The following SHC3 variants were observed in gnomAD, a reference collection of about 807,000 sequenced individuals.
SHC3 encodes SHC adaptor protein 3.
Under a neutral mutation model 60.4 loss-of-function variants are expected in SHC3, and 15 were observed. The ratio of observed to expected loss-of-function variants is 0.25; its 90% CI spans 0.17 to 0.38. The LOEUF (loss-of-function observed/expected upper bound fraction) is 0.38, where lower values mean the gene tolerates loss of function less well. Among genes scored for constraint, SHC3 ranks in the 10% least tolerant of loss-of-function variants. The pLI is 1.00. For synonymous variants in SHC3, 294 were observed against 325.9 expected, an observed-to-expected ratio of 0.90 and a Z score of 1.05; for missense variants, 677 against 786.1, an observed-to-expected ratio of 0.86 and a Z score of 1.66.
chr9:89,151,695 T>C (rs1054933713), intron 1 of SHC3, among the ~76,000 whole-genome samples: 15 of 152,356 alleles, frequency 9.8e-5, no homozygotes, highest in African/African-American at 3.6e-4. Context: ...TAGAATATTA[T>C]GCAGCTATTA....
At chr9:89,094,189 A>G (rs1169372366) in intron 2 of SHC3, among the ~76,000 whole-genome samples, 1 of 152,208 alleles carries the variant, frequency 6.6e-6, no homozygotes, top group Non-Finnish European at 1.5e-5. Flanking sequence ...AATGAAAACA[A>G]AAACACGAGG....
At position 89,175,058 on chromosome 9, in the gene SHC3, G is replaced by A. The variant is rs367991686; in HGVS notation, c.474+2929C>T. On this transcript the variant is annotated intron_variant, in intron 1 of 11. Transcript: ENST00000375835. The stretch of plus-strand genomic sequence containing the variant: ...TCAATACTCATTGGTATTTCTTTTA[G>A]GTCCAAATATCAAATACTTTTAAAA... Among the ~76,000 whole-genome samples, 96 of 152,286 alleles carry A rather than the reference G, an allele frequency of 6.3e-4. 2 individuals carry two copies. Among genetic ancestry groups the A allele is most frequent in the Non-Finnish European group, 1.2e-3 (80 of 68,032 alleles).
At chr9:89,126,869 G>A (rs1159926041) in intron 1 of SHC3, among the ~76,000 whole-genome samples, 4 of 152,202 alleles carry the variant, frequency 2.6e-5, no homozygotes, top group African/African-American at 9.6e-5. Context: ...GACCCCATAA[G>A]CCTGCTGTTC....
At chr9:89,136,620 A>G (rs1826323790) in intron 1 of SHC3, among the ~76,000 whole-genome samples, 1 of 152,222 alleles carries the variant, frequency 6.6e-6, no homozygotes, top group Non-Finnish European at 1.5e-5. Context: ...CTTGTTTAGC[A>G]TATTATCAAT....
intron 11 of SHC3, among the ~76,000 whole-genome samples, chr9:89,028,648 TAGA>T (rs1353739478): frequency 6.8e-6 from 1 of 146,754 alleles, no homozygotes; most frequent in Non-Finnish European, 1.5e-5. Context: ...GATATCTATA[TAGA>T]ATATATATAG....
At chr9:89,104,902 G>A (rs1167660977) in intron 2 of SHC3, among the ~76,000 whole-genome samples, 6 of 152,068 alleles carry the variant, frequency 3.9e-5, no homozygotes, top group Admixed American at 2.0e-4. Flanking sequence ...TACTATTTGG[G>A]GAAATTCAAC....
At chr9:89,139,269 C>T (rs554075442) in intron 1 of SHC3, among the ~76,000 whole-genome samples, 10 of 152,302 alleles carry the variant, frequency 6.6e-5, no homozygotes, top group Middle Eastern at 6.8e-3. Flanking sequence ...AACTCAAAAA[C>T]AACCAATGAG....
At chr9:89,069,753 T>C (rs554147173) in intron 5 of SHC3, among the ~76,000 whole-genome samples, 6 of 152,352 alleles carry the variant, frequency 3.9e-5, no homozygotes, top group African/African-American at 1.4e-4. Context: ...GATGCCTGCC[T>C]CTGGCAGCTG....
At chr9:89,041,185 A>T (rs1415048104) in intron 10 of SHC3, among the ~76,000 whole-genome samples, 2 of 152,236 alleles carry the variant, frequency 1.3e-5, no homozygotes, top group African/African-American at 4.8e-5. Context: ...TGAGCTTGTG[A>T]TGCTCTTTCA....
intron 2 of SHC3, among the ~76,000 whole-genome samples, chr9:89,080,734 A>AAT (rs10591505): frequency 0.028 from 3,650 of 132,010 alleles, 70 homozygotes; most frequent in Middle Eastern, 0.057. Context: ...AACTAGGAAG[A>AAT]ATATATATAT....
chr9:89,081,933 G>T (rs529330531), intron 2 of SHC3, among the ~76,000 whole-genome samples: 2 of 152,214 alleles, frequency 1.3e-5, no homozygotes, highest in South Asian at 2.1e-4. Context: ...ACTGCAGGGG[G>T]TGGATACAGA....
intron 7 of SHC3, among the ~76,000 whole-genome samples, chr9:89,048,942 G>A (rs1187309364): frequency 6.6e-6 from 1 of 152,174 alleles, no homozygotes; most frequent in Non-Finnish European, 1.5e-5. Flanking sequence ...CTACAGGCAG[G>A]GCCCCTTGTC....
intron 2 of SHC3, among the ~76,000 whole-genome samples, chr9:89,078,975 C>T (rs1027874193): frequency 1.3e-5 from 2 of 152,214 alleles, no homozygotes; most frequent in Non-Finnish European, 2.9e-5. Context: ...CATAACAACA[C>T]AGTGCTTTGA....
chr9:89,172,756 G>T (rs1826888200), intron 1 of SHC3, among the ~76,000 whole-genome samples: 1 of 152,146 alleles, frequency 6.6e-6, no homozygotes, highest in Non-Finnish European at 1.5e-5. Context: ...ACACATAACT[G>T]GTCATTTCTT....
intron 1 of SHC3, among the ~76,000 whole-genome samples, chr9:89,157,044 G>A (rs916971122): frequency 2.0e-5 from 3 of 152,022 alleles, no homozygotes; most frequent in East Asian, 3.9e-4. Context: ...CTGGGAGGTC[G>A]GGTGTCAAGC....
At chr9:89,059,768 G>A (rs375263553) in intron 6 of SHC3, among the ~76,000 whole-genome samples, 575 of 21,594 alleles carry the variant, frequency 0.027, no homozygotes, top group East Asian at 0.087. Flanking sequence ...GGTGGAGGAT[G>A]GTGGTGGAGG....
intron 11 of SHC3, among the ~76,000 whole-genome samples, chr9:89,018,464 G>A (rs952588314): frequency 1.7e-4 from 26 of 152,072 alleles, no homozygotes; most frequent in African/African-American, 6.3e-4. Flanking sequence ...ACACAGGGAG[G>A]GGAACATCAC....
intron 6 of SHC3, among the ~76,000 whole-genome samples, chr9:89,052,936 T>C (rs1824884662): frequency 6.6e-6 from 1 of 152,142 alleles, no homozygotes. Context: ...CACAAGGACA[T>C]GATGTCCTAG....
At chr9:89,164,257 G>C (rs1826752650) in intron 1 of SHC3, among the ~76,000 whole-genome samples, 1 of 152,162 alleles carries the variant, frequency 6.6e-6, no homozygotes, top group Non-Finnish European at 1.5e-5. Flanking sequence ...GGATTGACTT[G>C]AAGGCTACAG....
Sources: gnomAD v4.1 joint callset for allele counts (sites outside exome capture counted in the v4.1 genomes callset) on GRCh38, gnomAD v4.1.1 for gene constraint, MANE v1.5 for transcripts, NCBI Gene and HGNC (gene_info 2026-07-23, HGNC 2026-07-21) for gene names.